The following SETBP1 variants were observed in gnomAD, a reference collection of about 807,000 sequenced individuals.
The protein encoded by SETBP1 is SET binding protein 1, also known as SET-binding protein.
SETBP1 carries 9 observed loss-of-function variants against 101.0 expected under a neutral mutation model. The observed-to-expected ratio is 0.09, with a 90% CI of 0.05 to 0.16. The LOEUF (loss-of-function observed/expected upper bound fraction) is 0.16, where lower values mean the gene tolerates loss of function less well. Among genes scored for constraint, SETBP1 ranks in the 10% least tolerant of loss-of-function variants. The probability of loss-of-function intolerance (pLI) is 1.00; values close to 1 mark genes in which losing one functional copy is unlikely to be tolerated. For missense variants in SETBP1, 1,858 were observed against 2,033.8 expected (o/e 0.91, Z 1.66); for synonymous variants, 818 against 788.5 (o/e 1.04, Z -0.63).
intron 2 of SETBP1, among the ~76,000 whole-genome samples, chr18:44,860,105 A>G (rs2068969917): frequency 6.6e-6 from 1 of 152,204 alleles, no homozygotes; most frequent in Non-Finnish European, 1.5e-5. Flanking sequence ...GAAAGCTTTG[A>G]TACTCATCTT....
intron 4 of SETBP1, among the ~76,000 whole-genome samples, chr18:45,005,747 C>T (rs184638675): frequency 7.5e-5 from 11 of 146,078 alleles, no homozygotes; most frequent in South Asian, 2.3e-4. Context: ...TCCGGGTTCA[C>T]GCCATTCTGC....
In SETBP1 at chr18:44,898,370, T is replaced by C. The variant is rs545909576; in HGVS notation, c.540+29087T>C. Among the ~76,000 whole-genome samples the C allele has an allele frequency of 2.6e-5, 4 of 152,198 alleles. No homozygotes were observed. In the East Asian group the frequency reaches 7.7e-4, roughly 29 times the overall value. ...TACATAGGAGAATCACTTGGGAAAA[T>C]TTAAATATAGATAGAGAGATATAGA... On this transcript the variant is annotated intron_variant, in intron 3 of 5. Coordinates refer to ENST00000649279, the MANE Select transcript of SETBP1 (RefSeq NM_015559.3).
chr18:44,816,280 A>C (rs2071974473), intron 2 of SETBP1, among the ~76,000 whole-genome samples: 1 of 152,084 alleles, frequency 6.6e-6, no homozygotes, highest in East Asian at 1.9e-4. Context: ...GAGGAGAGCG[A>C]AGGGGAGGGG....
chr18:44,855,072 C>A (rs2072946639), intron 2 of SETBP1, among the ~76,000 whole-genome samples: 1 of 152,186 alleles, frequency 6.6e-6, no homozygotes, highest in Non-Finnish European at 1.5e-5. Context: ...TTCACTCTAA[C>A]ATTCCCTCCT....
chr18:44,984,513 A>T (rs2072186527), intron 4 of SETBP1, among the ~76,000 whole-genome samples: 1 of 151,824 alleles, frequency 6.6e-6, no homozygotes, highest in Admixed American at 6.6e-5. Flanking sequence ...CTGCCGCTTA[A>T]CTCTTGCTGT....
chr18:44,993,625 A>G (rs368993485), intron 4 of SETBP1, among the ~76,000 whole-genome samples: 2 of 152,066 alleles, frequency 1.3e-5, no homozygotes, highest in East Asian at 1.9e-4. Context: ...ATTAAAAAAT[A>G]CAATTGAGAA....
At chr18:44,817,818 C>T (rs1188412005) in intron 2 of SETBP1, among the ~76,000 whole-genome samples, 2 of 152,108 alleles carry the variant, frequency 1.3e-5, no homozygotes, top group African/African-American at 2.4e-5. Flanking sequence ...CTCTGTTGAA[C>T]GATGAGGTGC....
chr18:44,865,011 G>T (rs564110911), intron 2 of SETBP1, among the ~76,000 whole-genome samples: 1 of 152,186 alleles, frequency 6.6e-6, no homozygotes, highest in South Asian at 2.1e-4. Context: ...TCCTCCCCAT[G>T]CCTCAATTTC....
At chr18:44,754,897 C>A (rs191732132) in intron 2 of SETBP1, among the ~76,000 whole-genome samples, 76 of 152,308 alleles carry the variant, frequency 5.0e-4, no homozygotes, top group African/African-American at 1.7e-3. Context: ...CATAGTGGGT[C>A]AAAGACACTC....
intron 2 of SETBP1, among the ~76,000 whole-genome samples, chr18:44,829,665 T>A (rs1292663609): frequency 6.6e-6 from 1 of 152,166 alleles, no homozygotes; most frequent in Non-Finnish European, 1.5e-5. Context: ...TAGAAATTAG[T>A]GGTCTGGTGC....
At position 44,922,175 on chromosome 18, in the gene SETBP1, G is replaced by A. The variant is rs117494839; in HGVS notation, c.541-27706G>A. 9.2e-3 allele frequency among the ~76,000 whole-genome samples: 1,398 copies of A among 152,308 alleles called. 10 individuals are homozygous for A. Among genetic ancestry groups the A allele is most frequent in the Non-Finnish European group, 0.011 (767 of 68,020 alleles). ...CTTATAGATTAGGATAGTAAGGAGCGCATGCGCAGGAAGAGATGGAAAAAA... is the reference window on the plus strand; with the variant it reads ...CTTATAGATTAGGATAGTAAGGAGCACATGCGCAGGAAGAGATGGAAAAAA... On this transcript the variant is annotated intron_variant, in intron 3 of 5. Coordinates refer to ENST00000649279, the MANE Select transcript of SETBP1 (RefSeq NM_015559.3).
chr18:44,777,145 C>A (rs1416701072), intron 2 of SETBP1, among the ~76,000 whole-genome samples: 1 of 151,948 alleles, frequency 6.6e-6, no homozygotes, highest in African/African-American at 2.4e-5. Flanking sequence ...GTGAGACCCC[C>A]GTGTCTACAA....
At chr18:44,894,420 T>G (rs1206679399) in intron 3 of SETBP1, among the ~76,000 whole-genome samples, 1 of 152,010 alleles carries the variant, frequency 6.6e-6, no homozygotes. Flanking sequence ...CACCCTTCTA[T>G]GTAGCAATGT....
chr18:44,768,840 A>G (rs1232565880), intron 2 of SETBP1, among the ~76,000 whole-genome samples: 1 of 152,266 alleles, frequency 6.6e-6, no homozygotes, highest in Non-Finnish European at 1.5e-5. Flanking sequence ...ATAAGAAGAC[A>G]AAGACTGCTT....
chr18:44,780,941 G>A (rs919369683), intron 2 of SETBP1, among the ~76,000 whole-genome samples: 2 of 152,172 alleles, frequency 1.3e-5, no homozygotes, highest in Non-Finnish European at 2.9e-5. Flanking sequence ...AATCTGGCTG[G>A]CGGGGGAAAG....
chr18:45,055,341 T>G (rs2073791083), intron 5 of SETBP1, among the ~76,000 whole-genome samples: 1 of 152,202 alleles, frequency 6.6e-6, no homozygotes, highest in African/African-American at 2.4e-5. Flanking sequence ...ATACTAAAAA[T>G]ATGTGCCCTC....
chr18:44,718,390 CAGG>C (rs1429894359), intron 2 of SETBP1, among the ~76,000 whole-genome samples: 1 of 152,054 alleles, frequency 6.6e-6, no homozygotes, highest in Non-Finnish European at 1.5e-5. Context: ...GCTGTGAGAG[CAGG>C]AGGAGCGGGA....
intron 2 of SETBP1, among the ~76,000 whole-genome samples, chr18:44,755,077 G>A (rs1056618830): frequency 6.6e-6 from 1 of 152,162 alleles, no homozygotes; most frequent in African/African-American, 2.4e-5. Flanking sequence ...ACCCTCTGCA[G>A]GTTACTAAAA....
intron 2 of SETBP1, among the ~76,000 whole-genome samples, chr18:44,796,563 T>A (rs1469004310): frequency 6.6e-6 from 1 of 152,070 alleles, no homozygotes; most frequent in Admixed American, 6.5e-5. Context: ...GCAGCATGAG[T>A]TGAGAATCAG....
Sources: allele counts gnomAD v4.1 joint callset (sites outside exome capture counted in the v4.1 genomes callset), GRCh38; gene constraint gnomAD v4.1.1; transcripts MANE v1.5; gene names NCBI Gene and HGNC (gene_info 2026-07-23, HGNC 2026-07-21).